The following ADTRP variants were observed in gnomAD, a reference collection of about 807,000 sequenced individuals.
ADTRP encodes androgen-dependent TFPI-regulating protein.
A neutral mutation model predicts 27.0 loss-of-function variants in ADTRP; 20 were observed. That is an observed-to-expected ratio of 0.74 (90% CI 0.52 to 1.08). The LOEUF (loss-of-function observed/expected upper bound fraction) is 1.08. Ranked by LOEUF, ADTRP falls within the 50% of genes least tolerant of loss-of-function variation. The pLI is 0.00. For synonymous variants in ADTRP, 101 were observed against 105.2 expected (o/e 0.96, Z 0.25); for missense variants, 251 against 275.0 (o/e 0.91, Z 0.62).
At chr6:11,719,022 C>A (rs895354657) in intron 5 of ADTRP, among the ~76,000 whole-genome samples, 8 of 152,224 alleles carry the variant, frequency 5.3e-5, no homozygotes, top group African/African-American at 1.9e-4. Context: ...CATATTCACC[C>A]ACTGATGTGG....
At chr6:11,715,805 GCTTTTTTTTT>G (rs1351227525) in intron 5 of ADTRP, among the ~76,000 whole-genome samples, 1,921 of 89,002 alleles carry the variant, frequency 0.022, 42 homozygotes, top group Middle Eastern at 0.055. Flanking sequence ...ACCATGCCCA[GCTTTTTTTTT>G]TTTTTTTTTT....
rs187078402 is a variant in ADTRP, at chr6:11,768,855, C to A, written c.154-472G>T. Among the ~76,000 whole-genome samples, 235 of 152,094 alleles carry A rather than the reference C, an allele frequency of 1.5e-3. 2 individuals are homozygous for A. Among genetic ancestry groups the A allele is most frequent in the African/African-American group, 5.5e-3 (227 of 41,486 alleles). On this transcript the variant is annotated intron_variant, in intron 1 of 5. Transcript: ENST00000414691. ...ACTGGAATCAGGTCAAGAGGACCAC[C>A]ACGAATCTCTGTGCTCTCCCAAGAA...
At chr6:11,733,722 G>T (rs1762456763) in intron 4 of ADTRP, among the ~76,000 whole-genome samples, 1 of 152,178 alleles carries the variant, frequency 6.6e-6, no homozygotes, top group Admixed American at 6.5e-5. Context: ...GTGAACCACT[G>T]AATGGATAAC....
intron 5 of ADTRP, among the ~76,000 whole-genome samples, chr6:11,722,622 T>C (rs548022189): frequency 6.4e-4 from 97 of 151,818 alleles, no homozygotes; most frequent in African/African-American, 2.3e-3. Context: ...TTTCCAACAA[T>C]AAAAAAATAT....
chr6:11,751,992 T>A (rs932486841), intron 3 of ADTRP, among the ~76,000 whole-genome samples: 1 of 152,238 alleles, frequency 6.6e-6, no homozygotes, highest in Non-Finnish European at 1.5e-5. Context: ...CTAAGGTTTC[T>A]GTCGTGTCAC....
chr6:11,775,595 C>T (rs1763929136), intron 1 of ADTRP, among the ~76,000 whole-genome samples: 1 of 152,090 alleles, frequency 6.6e-6, no homozygotes, highest in Non-Finnish European at 1.5e-5. Flanking sequence ...TCCCATCTGT[C>T]CTCTCCTACC....
chr6:11,740,601 T>C (rs888683026), intron 3 of ADTRP, among the ~76,000 whole-genome samples: 5 of 152,218 alleles, frequency 3.3e-5, no homozygotes, highest in African/African-American at 1.2e-4. Context: ...AGGCATGCAG[T>C]AATAGTTGTT....
At chr6:11,778,457 A>G in intron 1 of ADTRP, 150 bp downstream of exon 1, 1 of 1,127,768 alleles carries the variant, frequency 8.9e-7, no homozygotes, top group Non-Finnish European at 1.2e-6. Context: ...CAAATTGTTA[A>G]GTAAACAAAA....
intron 3 of ADTRP, among the ~76,000 whole-genome samples, chr6:11,741,753 A>G (rs1425493624): frequency 6.6e-6 from 1 of 151,466 alleles, no homozygotes; most frequent in Non-Finnish European, 1.5e-5. Flanking sequence ...TTAGGACCCT[A>G]CAATCAGGAA....
At chr6:11,741,491 T>C (rs542340442) in intron 3 of ADTRP, among the ~76,000 whole-genome samples, 1 of 152,364 alleles carries the variant, frequency 6.6e-6, no homozygotes, top group Admixed American at 6.5e-5. Flanking sequence ...GTGTTGTTTA[T>C]GAACTCTTAT....
At chr6:11,723,086 T>C (rs1762068891) in intron 5 of ADTRP, among the ~76,000 whole-genome samples, 1 of 152,220 alleles carries the variant, frequency 6.6e-6, no homozygotes, top group Non-Finnish European at 1.5e-5. Flanking sequence ...AAGAAGATTA[T>C]TTTTAGCTCT....
intron 5 of ADTRP, among the ~76,000 whole-genome samples, chr6:11,722,190 T>C (rs1762043136): frequency 6.6e-6 from 1 of 152,204 alleles, no homozygotes; most frequent in South Asian, 2.1e-4. Context: ...AAGTAATTTT[T>C]AGTATTCCAT....
At chr6:11,754,265 TAA>T (rs1763144608) in intron 3 of ADTRP, among the ~76,000 whole-genome samples, 1 of 152,176 alleles carries the variant, frequency 6.6e-6, no homozygotes. Context: ...TACCCCATTG[TAA>T]AGTTTTAGAG....
chr6:11,765,319 G>GTTTTTTTTTTTTTTTTTTTTTT (rs770169717), intron 3 of ADTRP, among the ~76,000 whole-genome samples: 1 of 112,526 alleles, frequency 8.9e-6, no homozygotes, highest in Non-Finnish European at 1.8e-5. Flanking sequence ...CTTTCCCCTG[G>GTTTTTTTTTTTTTTTTTTTTTT]TTTGTTTTTT....
At chr6:11,775,605 C>A (rs780248546) in intron 1 of ADTRP, among the ~76,000 whole-genome samples, 1 of 152,088 alleles carries the variant, frequency 6.6e-6, no homozygotes, top group Non-Finnish European at 1.5e-5. Context: ...CCTCTCCTAC[C>A]TTCACTCTCC....
At chr6:11,749,848 G>C (rs940618429) in intron 3 of ADTRP, among the ~76,000 whole-genome samples, 1 of 152,216 alleles carries the variant, frequency 6.6e-6, no homozygotes, top group Non-Finnish European at 1.5e-5. Context: ...TTGTGTGCTT[G>C]AGTGACAACA....
chr6:11,754,515 G>A (rs1349741510), intron 3 of ADTRP, among the ~76,000 whole-genome samples: 2 of 152,158 alleles, frequency 1.3e-5, no homozygotes, highest in Non-Finnish European at 2.9e-5. Flanking sequence ...CGTGACGGAC[G>A]TGTAATACAT....
chr6:11,775,776 C>T (rs1439676422), intron 1 of ADTRP, among the ~76,000 whole-genome samples: 1 of 152,158 alleles, frequency 6.6e-6, no homozygotes, highest in Non-Finnish European at 1.5e-5. Context: ...TGGGGCAATG[C>T]TCACAGTGCC....
At chr6:11,761,306 T>C (rs1015228729) in intron 3 of ADTRP, among the ~76,000 whole-genome samples, 1 of 152,206 alleles carries the variant, frequency 6.6e-6, no homozygotes, top group Non-Finnish European at 1.5e-5. Context: ...ATTGTGTGTT[T>C]ACTGCTTATC....
Sources: allele counts gnomAD v4.1 joint callset (sites outside exome capture counted in the v4.1 genomes callset), GRCh38; gene constraint gnomAD v4.1.1; transcripts MANE v1.5; gene names NCBI Gene and HGNC (gene_info 2026-07-23, HGNC 2026-07-21).